PECR: variants seen among roughly 807,000 people sequenced by gnomAD.
PECR encodes the protein peroxisomal trans-2-enoyl-CoA reductase.
PECR carries 30 observed loss-of-function variants against 35.3 expected under a neutral mutation model. The observed-to-expected ratio is 0.85, with a 90% CI of 0.64 to 1.15. The LOEUF is 1.15. PECR is among the 50% of genes most tolerant of loss of function. The probability of loss-of-function intolerance (pLI) is 0.00; values close to 1 mark genes in which losing one functional copy is unlikely to be tolerated. For missense variants in PECR, 392 were observed against 370.8 expected (o/e 1.06, Z -0.47); for synonymous variants, 148 against 138.9 (o/e 1.07, Z -0.46).
At chr2:216,051,218 G>A (rs1695107122) in intron 5 of PECR, among the ~76,000 whole-genome samples, 1 of 148,892 alleles carries the variant, frequency 6.7e-6, no homozygotes, top group Non-Finnish European at 1.5e-5. Flanking sequence ...CCTTGGAGGT[G>A]GAAGTTATAG....
chr2:216,051,949 G>T (rs1431606800), intron 4 of PECR, among the ~76,000 whole-genome samples: 1 of 152,174 alleles, frequency 6.6e-6, no homozygotes, highest in Non-Finnish European at 1.5e-5. Context: ...CACTTTGGGA[G>T]GCCAAGGCGG....
rs528827761 is a variant in PECR, at chr2:216,081,753, G to A, written c.-12C>T. 6 of 1,612,400 alleles carry A rather than the reference G, an allele frequency of 3.7e-6. No homozygotes were observed. The highest frequency in any genetic ancestry group is 5.1e-6 in the Non-Finnish European group (6 of 1,179,796). ...GCCCAGGAGGCCATCCCTGCAGCGG[G>A]GTGCCAGAGCAGCTGAGCGCAGGCC... On this transcript the variant is annotated 5_prime_UTR_variant, in exon 1 of 8. Coordinates refer to ENST00000265322, the MANE Select transcript of PECR (RefSeq NM_018441.6).
At chr2:216,052,038 T>C (rs1215183678) in intron 4 of PECR, among the ~76,000 whole-genome samples, 1 of 152,000 alleles carries the variant, frequency 6.6e-6, no homozygotes, top group African/African-American at 2.4e-5. Flanking sequence ...AATACAAAAA[T>C]TACCGGGCAT....
Position 216,038,949 on chromosome 2 carries a change from A to C in PECR, c.*326T>G, listed in dbSNP as rs1315357406. The C allele has an allele frequency of 3.6e-6, 1 of 280,874 alleles. No individual in the cohort carries two copies. The highest frequency in any genetic ancestry group is 4.9e-5 in the Admixed American group (1 of 20,318). The allele number at this position is 280,874 out of a possible 1,614,324, so 17.4% of individuals were successfully genotyped here. A position where few individuals can be genotyped will look rare whatever the true frequency, so the allele number is the denominator to read the frequency against. ...CTCTACCTTTACAATTAAATAATAA[A>C]ATCTTCTGGGAGTTCATGATCCCTA... On this transcript the variant is annotated 3_prime_UTR_variant, in exon 8 of 8. Transcript: ENST00000265322.
At chr2:216,055,818 G>A (rs998704346) in intron 4 of PECR, among the ~76,000 whole-genome samples, 3 of 152,038 alleles carry the variant, frequency 2.0e-5, no homozygotes, top group African/African-American at 7.3e-5. Flanking sequence ...TCCATTCCAA[G>A]GTATTAATTT....
chr2:216,081,225 TGA>T (rs1258312740), intron 1 of PECR, among the ~76,000 whole-genome samples: 2 of 151,904 alleles, frequency 1.3e-5, no homozygotes, highest in African/African-American at 2.4e-5. Flanking sequence ...GAAGATACTA[TGA>T]GAGACTCACT....
downstream of PECR, among the ~76,000 whole-genome samples, chr2:216,034,320 T>C (rs1694759871): frequency 6.6e-6 from 1 of 152,142 alleles, no homozygotes; most frequent in Non-Finnish European, 1.5e-5. Flanking sequence ...TGGCTGTGGG[T>C]CCCAGCTGCT....
intron 1 of PECR, among the ~76,000 whole-genome samples, chr2:216,074,996 T>C (rs1695667948): frequency 6.6e-6 from 1 of 152,118 alleles, no homozygotes; most frequent in African/African-American, 2.4e-5. Context: ...AAACACAAGA[T>C]ATGGGCCAGG....
intron 2 of PECR, 137 bp downstream of exon 2, chr2:216,066,248 T>C: frequency 1.3e-6 from 1 of 798,986 alleles, no homozygotes. Flanking sequence ...AACATGAGAA[T>C]CTCTTTCACA....
At chr2:216,079,237 A>G (rs548836102) in intron 1 of PECR, among the ~76,000 whole-genome samples, 129 of 151,984 alleles carry the variant, frequency 8.5e-4, no homozygotes, top group South Asian at 3.3e-3. Flanking sequence ...TCGTAACCAA[A>G]GATAATTTAG....
downstream of PECR, among the ~76,000 whole-genome samples, chr2:216,036,433 A>C (rs12694382): frequency 1.3e-5 from 2 of 152,022 alleles, no homozygotes; most frequent in Non-Finnish European, 2.9e-5. Context: ...GCCAGGGGAC[A>C]TAAGGTCCCA....
chr2:216,040,183 A>G (rs574755984), intron 7 of PECR, among the ~76,000 whole-genome samples: 5 of 152,328 alleles, frequency 3.3e-5, no homozygotes, highest in Non-Finnish European at 4.4e-5. Context: ...TTTTTCAGTT[A>G]TGTGCCAGCG....
chr2:216,063,012 T>C (rs1169318790), intron 3 of PECR, among the ~76,000 whole-genome samples: 4 of 152,172 alleles, frequency 2.6e-5, no homozygotes, highest in Admixed American at 6.5e-5. Flanking sequence ...TCAGAACAAA[T>C]CCCTGTTGTT....
At chr2:216,057,295 A>G (rs1695248165) in intron 4 of PECR, among the ~76,000 whole-genome samples, 1 of 152,176 alleles carries the variant, frequency 6.6e-6, no homozygotes, top group Non-Finnish European at 1.5e-5. Flanking sequence ...ATGCTCACCA[A>G]CTGGAAAATG....
intron 6 of PECR, among the ~76,000 whole-genome samples, chr2:216,048,564 GT>G (rs1695040761): frequency 6.6e-6 from 1 of 151,774 alleles, no homozygotes; most frequent in South Asian, 2.1e-4. Flanking sequence ...ACAAAAATCA[GT>G]CAGGTGTGGT....
At chr2:216,046,492 A>G (rs891780421) in intron 6 of PECR, among the ~76,000 whole-genome samples, 1 of 151,508 alleles carries the variant, frequency 6.6e-6, no homozygotes, top group African/African-American at 2.4e-5. Context: ...TGTATTTTTT[A>G]GTATAGACGG....
At chr2:216,081,165 A>C (rs542064466) in intron 1 of PECR, among the ~76,000 whole-genome samples, 21 of 152,126 alleles carry the variant, frequency 1.4e-4, no homozygotes, top group Non-Finnish European at 2.5e-4. Context: ...CCTTCACCCA[A>C]GTTAAGGTAA....
chr2:216,048,064 T>G (rs1695029852), intron 6 of PECR, among the ~76,000 whole-genome samples: 1 of 151,660 alleles, frequency 6.6e-6, no homozygotes, highest in Admixed American at 6.6e-5. Context: ...ATCCTTTTCT[T>G]TTCTTTATTT....
chr2:216,030,515 T>C (rs180974959), intron 7 of PECR, among the ~76,000 whole-genome samples: 2 of 152,262 alleles, frequency 1.3e-5, no homozygotes, highest in East Asian at 3.9e-4. Flanking sequence ...AATCACCTAA[T>C]AAATGCTAGC....
Sources: gnomAD v4.1 joint callset for allele counts (sites outside exome capture counted in the v4.1 genomes callset) on GRCh38, gnomAD v4.1.1 for gene constraint, MANE v1.5 for transcripts, NCBI Gene and HGNC (gene_info 2026-07-23, HGNC 2026-07-21) for gene names.